DBNDD1: variants seen among roughly 807,000 people sequenced by gnomAD.
The protein encoded by DBNDD1 is dysbindin domain-containing protein 1.
In DBNDD1, 14 loss-of-function variants were observed where a neutral mutation model predicts 17.0. The ratio of observed to expected loss-of-function variants is 0.82; its 90% CI spans 0.54 to 1.29. DBNDD1 has a LOEUF of 1.29. Among genes scored for constraint, DBNDD1 ranks in the 50% most tolerant of loss-of-function variants. The pLI is 0.00. For synonymous variants in DBNDD1, 105 were observed against 102.0 expected, an observed-to-expected ratio of 1.03 and a Z score of -0.18; for missense variants, 221 against 216.2, an observed-to-expected ratio of 1.02 and a Z score of -0.14.
chr16:90,014,274 G>C (rs1435347618), intron 1 of DBNDD1, among the ~76,000 whole-genome samples: 5 of 151,992 alleles, frequency 3.3e-5, no homozygotes, highest in Non-Finnish European at 5.9e-5. Context: ...TTACAGGCGT[G>C]CGCCACCATG....
At chr16:90,016,715 A>G (rs1439898476) in intron 1 of DBNDD1, among the ~76,000 whole-genome samples, 2 of 151,896 alleles carry the variant, frequency 1.3e-5, no homozygotes, top group African/African-American at 4.8e-5. Context: ...CTGCTGACCT[A>G]TTTTCCAGCA....
Position 90,019,178 on chromosome 16 carries a change from C to T in DBNDD1, c.31+133G>A, listed in dbSNP as rs1025921690. On this transcript the variant is annotated intron_variant, in intron 1 of 3. Transcript: ENST00000002501. This position sits in a 1 kb window ranked among gnomAD's most constrained non-coding sequence, Gnocchi z 6.1. ...CGCCCGGGAGGTGCCCCTGGCCCGC[C>T]GGACGACCCCGAGCTGCCAAAGGGG... The T allele has an allele frequency of 5.1e-6, 2 of 390,098 alleles. No homozygotes were observed. Among genetic ancestry groups the T allele is most frequent in the Non-Finnish European group, 8.6e-6 (2 of 233,780 alleles). 24.2% of individuals were successfully genotyped at this position (390,098 alleles called of 1,614,324 possible). A position where few individuals can be genotyped will look rare whatever the true frequency, so the allele number is the denominator to read the frequency against.
chr16:90,019,883 C>G, upstream of DBNDD1: 1 of 657,852 alleles, frequency 1.5e-6, no homozygotes, highest in East Asian at 2.8e-5. The surrounding 1 kb of genome is among the most constrained non-coding windows in gnomAD (Gnocchi z 6.1). Context: ...CCCTGGATGG[C>G]GCGAATTAAC....
intron 1 of DBNDD1, among the ~76,000 whole-genome samples, chr16:90,016,768 G>A (rs2035648777): frequency 6.6e-6 from 1 of 152,316 alleles, no homozygotes; most frequent in African/African-American, 2.4e-5. Context: ...GTTCCCTGTT[G>A]TGTGCCCAGG....
chr16:90,011,711 C>G (rs1268673726), intron 1 of DBNDD1: 1 of 454,454 alleles, frequency 2.2e-6, no homozygotes, highest in African/African-American at 2.0e-5. Flanking sequence ...AATGAGGTTT[C>G]TGAGCATCCT....
At chr16:90,009,769 C>T in intron 1 of DBNDD1, 2 of 682,802 alleles carry the variant, frequency 2.9e-6, no homozygotes, top group Non-Finnish European at 2.5e-6. Flanking sequence ...CCAGTGCCGT[C>T]CTGGCCTCTG....
upstream of DBNDD1, chr16:90,019,491 G>C (rs1178072246): frequency 5.1e-5 from 9 of 176,478 alleles, no homozygotes; most frequent in Middle Eastern, 5.4e-3. This position sits in a 1 kb window ranked among gnomAD's most constrained non-coding sequence, Gnocchi z 6.1. Flanking sequence ...AGGAGCCCGC[G>C]GGGCGGGGCG....
At chr16:90,017,868 G>A (rs1390187246) in intron 1 of DBNDD1, among the ~76,000 whole-genome samples, 1 of 152,252 alleles carries the variant, frequency 6.6e-6, no homozygotes, top group African/African-American at 2.4e-5. Flanking sequence ...ACTGCACAGA[G>A]CTGCGACCTG....
chr16:90,008,544 A>C (rs1417924577), intron 3 of DBNDD1, among the ~76,000 whole-genome samples: 5 of 23,462 alleles, frequency 2.1e-4, no homozygotes, highest in Non-Finnish European at 4.3e-4. Context: ...CACCCCCCAA[A>C]CACACCTCCC....
chr16:90,016,566 C>G (rs1345265639), intron 1 of DBNDD1, among the ~76,000 whole-genome samples: 1 of 152,170 alleles, frequency 6.6e-6, no homozygotes, highest in African/African-American at 2.4e-5. Flanking sequence ...GGGACCCAAC[C>G]CCCCTGCAGG....
At chr16:90,011,384 C>T (rs989126838) in intron 1 of DBNDD1, among the ~76,000 whole-genome samples, 4 of 152,230 alleles carry the variant, frequency 2.6e-5, no homozygotes, top group Non-Finnish European at 5.9e-5. Context: ...AGCTGAGGCC[C>T]GCAGGTGCCC....
Position 90,006,458 on chromosome 16 carries a change from G to C in DBNDD1, c.354C>G (p.Arg118=). 1 of 1,600,556 alleles carries C rather than the reference G, an allele frequency of 6.2e-7. No homozygotes were observed. Among genetic ancestry groups the C allele is most frequent in the Non-Finnish European group, 8.5e-7 (1 of 1,179,774 alleles). ...LHPLPRAGYL[R]SPSWTRTRAE... ...CCCTTGTCCTCGTCCAGGAAGGGGAGCGCAGGTAGCCGGCCCGGGGCAGCG... is the reference window on the plus strand; with the variant it reads ...CCCTTGTCCTCGTCCAGGAAGGGGACCGCAGGTAGCCGGCCCGGGGCAGCG... Residue 118 remains arginine (R), a synonymous_variant, in exon 4 of 4, where the codon CGC becomes CGG. Coordinates refer to ENST00000002501, the MANE Select transcript of DBNDD1 (RefSeq NM_001042610.3).
intron 1 of DBNDD1, among the ~76,000 whole-genome samples, chr16:90,014,441 C>T (rs1597583223): frequency 6.6e-6 from 1 of 152,024 alleles, no homozygotes. Context: ...TGCATTTTTA[C>T]GACGAGGCCA....
chr16:90,006,278 G>C lies in DBNDD1; in HGVS notation c.*57C>G. 3 of 1,546,750 alleles carry C rather than the reference G, an allele frequency of 1.9e-6. No homozygotes were observed. The highest frequency in any genetic ancestry group is 1.7e-6 in the Non-Finnish European group (2 of 1,144,224). On this transcript the variant is annotated 3_prime_UTR_variant, in exon 4 of 4. Coordinates refer to ENST00000002501, the MANE Select transcript of DBNDD1 (RefSeq NM_001042610.3). ...GTGTCTGCTGGGTCAGCACTGCCCA[G>C]ATCTGCCATCGTGTTCGGACCCCAT...
chr16:90,009,481 C>T (rs2035510584), intron 1 of DBNDD1, 51 bp from the exon 2 acceptor site: 2 of 1,598,156 alleles, frequency 1.3e-6, no homozygotes, highest in African/African-American at 1.3e-5. Flanking sequence ...CTCCCACATC[C>T]CCCCAGGACG....
At chr16:90,017,236 C>T (rs939012845) in intron 1 of DBNDD1, among the ~76,000 whole-genome samples, 1 of 152,236 alleles carries the variant, frequency 6.6e-6, no homozygotes, top group African/African-American at 2.4e-5. Context: ...TGGCTGACGC[C>T]TGTAATCCCA....
At chr16:90,014,341 G>A (rs1204432427) in intron 1 of DBNDD1, among the ~76,000 whole-genome samples, 1 of 152,008 alleles carries the variant, frequency 6.6e-6, no homozygotes, top group Non-Finnish European at 1.5e-5. Flanking sequence ...TGGCCAGGCT[G>A]GTCTTGAACT....
chr16:90,017,941 G>A (rs1201425430), intron 1 of DBNDD1, among the ~76,000 whole-genome samples: 9 of 152,230 alleles, frequency 5.9e-5, no homozygotes. Context: ...TGACTGATGG[G>A]CTCAGAAACT....
At position 90,009,501 on chromosome 16, in the gene DBNDD1, G is replaced by T. The variant is rs762880400; in HGVS notation, c.32-71C>A. 72 of 1,587,470 alleles carry T rather than the reference G, an allele frequency of 4.5e-5. 1 individual carries two copies. The South Asian group carries it at 7.6e-4, about 17-fold the overall frequency. ...ACATCCCCCCAGGACGCGGGGCTGGGTGTGAGGACTTGGCACATCCAGTCC... is the reference window on the plus strand; with the variant it reads ...ACATCCCCCCAGGACGCGGGGCTGGTTGTGAGGACTTGGCACATCCAGTCC... On this transcript the variant is annotated intron_variant, in intron 1 of 3. Transcript: ENST00000002501.
Sources: gnomAD v4.1 joint callset for allele counts (sites outside exome capture counted in the v4.1 genomes callset) on GRCh38, gnomAD v4.1.1 for gene constraint, Gnocchi (gnomAD v3.1) non-coding constraint, MANE v1.5 for transcripts, NCBI Gene and HGNC (gene_info 2026-07-23, HGNC 2026-07-21) for gene names.